GNB1: variants seen among roughly 807,000 people sequenced by gnomAD.
The protein encoded by GNB1 is guanine nucleotide-binding protein G(I)/G(S)/G(T) subunit beta-1.
Under a neutral mutation model 42.9 loss-of-function variants are expected in GNB1, and 2 were observed. That is an observed-to-expected ratio of 0.05 (90% CI 0.02 to 0.15). The LOEUF (loss-of-function observed/expected upper bound fraction) is 0.15. Ranked by LOEUF, GNB1 falls within the 10% of genes least tolerant of loss-of-function variation. The pLI is 1.00. For synonymous variants in GNB1, 183 were observed against 174.7 expected (o/e 1.05, Z -0.38); for missense variants, 193 against 462.2 (o/e 0.42, Z 5.34).
At chr1:1,888,981 G>A (rs1570770145) in intron 1 of GNB1, among the ~76,000 whole-genome samples, 1 of 152,126 alleles carries the variant, frequency 6.6e-6, no homozygotes, top group African/African-American at 2.4e-5. Flanking sequence ...TAGCAAAGAA[G>A]GAACCGCCTA....
chr1:1,890,239 C>T (rs1650406591), intron 1 of GNB1: 1 of 152,176 alleles, frequency 6.6e-6, no homozygotes, highest in Non-Finnish European at 1.5e-5. Context: ...TTCCCATTTC[C>T]CGACGCCGCG....
intron 9 of GNB1, among the ~76,000 whole-genome samples, chr1:1,789,735 T>C (rs1485908481): frequency 9.5e-4 from 112 of 118,506 alleles, no homozygotes; most frequent in Non-Finnish European, 1.6e-3. Context: ...GGGGAGGAAC[T>C]ACAGGGGACT....
chr1:1,877,674 T>C (rs748560060), intron 1 of GNB1, among the ~76,000 whole-genome samples: 3 of 151,952 alleles, frequency 2.0e-5, no homozygotes, highest in Non-Finnish European at 4.4e-5. Context: ...GATGTTTTTA[T>C]TAGCAAAATG....
At chr1:1,830,812 G>A (rs543482915) in intron 2 of GNB1, among the ~76,000 whole-genome samples, 1 of 152,038 alleles carries the variant, frequency 6.6e-6, no homozygotes, top group South Asian at 2.1e-4. Flanking sequence ...CTCCCAAAGC[G>A]CTAGACTCTA....
At position 1,814,981 on chromosome 1, in the gene GNB1, A is replaced by G. The variant is rs913656392; in HGVS notation, c.203+775T>C. On this transcript the variant is annotated intron_variant, in intron 5 of 11. Transcript: ENST00000378609. ...CAAAAAAATTAGCCAGTGTGGTGGC[A>G]GGCGCCTGTAGTCCCAGCTACTAGG... Among the ~76,000 whole-genome samples the G allele has an allele frequency of 4.0e-5, 6 of 151,592 alleles. No homozygotes were observed. The East Asian group carries it at 1.2e-3, about 29-fold the overall frequency.
intron 5 of GNB1, among the ~76,000 whole-genome samples, chr1:1,808,660 T>A (rs1201456148): frequency 6.7e-6 from 1 of 148,506 alleles, no homozygotes; most frequent in African/African-American, 2.5e-5. Context: ...GTTTGTTTGT[T>A]TGAGACAGAG....
chr1:1,856,011 A>G (rs1648275037), intron 1 of GNB1, among the ~76,000 whole-genome samples: 1 of 152,174 alleles, frequency 6.6e-6, no homozygotes, highest in African/African-American at 2.4e-5. Flanking sequence ...AAATTTTTTT[A>G]ATCAATGGAC....
At chr1:1,810,664 TTTC>T (rs1181916688) in intron 5 of GNB1, among the ~76,000 whole-genome samples, 4 of 151,394 alleles carry the variant, frequency 2.6e-5, no homozygotes, top group Non-Finnish European at 5.9e-5. Context: ...TGCATGTAGT[TTTC>T]TTTTTTGTTT....
intron 7 of GNB1, among the ~76,000 whole-genome samples, chr1:1,801,216 C>T (rs964607029): frequency 1.5e-4 from 23 of 152,168 alleles, no homozygotes; most frequent in Non-Finnish European, 2.5e-4. Context: ...TTAGTAGACA[C>T]GGGGTTTCGT....
intron 1 of GNB1, among the ~76,000 whole-genome samples, chr1:1,854,070 A>G (rs539626478): frequency 6.6e-6 from 1 of 152,358 alleles, no homozygotes; most frequent in African/African-American, 2.4e-5. Flanking sequence ...AACAAGACAC[A>G]GCACTTGCTG....
chr1:1,859,182 C>A (rs145449368), intron 1 of GNB1, among the ~76,000 whole-genome samples: 2 of 151,984 alleles, frequency 1.3e-5, no homozygotes, highest in South Asian at 4.2e-4. Context: ...CCACAAAGCC[C>A]GGCTAATTTT....
chr1:1,809,347 T>G (rs1646745320), intron 5 of GNB1, among the ~76,000 whole-genome samples: 1 of 152,074 alleles, frequency 6.6e-6, no homozygotes, highest in Admixed American at 6.6e-5. Context: ...GCTACTTTTT[T>G]GTATTTTTAG....
chr1:1,874,582 G>C (rs1649432431), intron 1 of GNB1, among the ~76,000 whole-genome samples: 1 of 141,612 alleles, frequency 7.1e-6, no homozygotes, highest in Non-Finnish European at 1.5e-5. Flanking sequence ...ACTCCAGCCT[G>C]GGAAGCAGAG....
chr1:1,879,663 C>T (rs1201668062), intron 1 of GNB1, among the ~76,000 whole-genome samples: 1 of 150,730 alleles, frequency 6.6e-6, no homozygotes, highest in Non-Finnish European at 1.5e-5. Flanking sequence ...CAAGATCGCA[C>T]CACTGCACTC....
intron 6 of GNB1, among the ~76,000 whole-genome samples, chr1:1,806,012 A>C (rs1000268184): frequency 6.6e-6 from 1 of 152,258 alleles, no homozygotes; most frequent in Non-Finnish European, 1.5e-5. Context: ...GTTTGGACCA[A>C]TGACAATACT....
intron 1 of GNB1, among the ~76,000 whole-genome samples, chr1:1,841,171 T>C (rs1647231486): frequency 6.6e-6 from 1 of 152,096 alleles, no homozygotes; most frequent in African/African-American, 2.4e-5. Context: ...ATTACAGGCG[T>C]GAGCCACTGC....
chr1:1,872,745 C>A (rs189027900), intron 1 of GNB1, among the ~76,000 whole-genome samples: 1 of 152,320 alleles, frequency 6.6e-6, no homozygotes, highest in African/African-American at 2.4e-5. Flanking sequence ...ACAGCACCTA[C>A]CACAGGCCCA....
At chr1:1,844,386 G>T (rs1489865317) in intron 1 of GNB1, among the ~76,000 whole-genome samples, 1 of 50,382 alleles carries the variant, frequency 2.0e-5, no homozygotes, top group African/African-American at 6.8e-5. Flanking sequence ...GTGAGACTCC[G>T]TCTCCAAAAA....
chr1:1,824,858 G>A (rs1373056458), intron 3 of GNB1: 1 of 152,138 alleles, frequency 6.6e-6, no homozygotes, highest in Admixed American at 6.6e-5. Flanking sequence ...CCAGGCATGA[G>A]CCCCCCACAC....
Sources: gnomAD v4.1 joint callset for allele counts (sites outside exome capture counted in the v4.1 genomes callset) on GRCh38, gnomAD v4.1.1 for gene constraint, MANE v1.5 for transcripts, NCBI Gene and HGNC (gene_info 2026-07-23, HGNC 2026-07-21) for gene names.